The following INSYN2B variants were observed in gnomAD, a reference collection of about 807,000 sequenced individuals.
INSYN2B encodes the protein inhibitory synaptic factor family member 2B, also known as protein INSYN2B.
A neutral mutation model predicts 41.2 loss-of-function variants in INSYN2B; 16 were observed. That is an observed-to-expected ratio of 0.39 (90% CI 0.26 to 0.59). The LOEUF (loss-of-function observed/expected upper bound fraction) is 0.59, where lower values mean the gene tolerates loss of function less well. Ranked by LOEUF, INSYN2B falls within the 20% of genes least tolerant of loss-of-function variation. The pLI is 0.57. For missense variants in INSYN2B, 608 were observed against 646.4 expected (o/e 0.94, Z 0.64); for synonymous variants, 245 against 244.4 (o/e 1.00, Z -0.02).
chr5:169,962,654 G>T (rs779542907), intron 1 of INSYN2B, among the ~76,000 whole-genome samples: 2 of 152,120 alleles, frequency 1.3e-5, no homozygotes, highest in Non-Finnish European at 2.9e-5. Flanking sequence ...CTCTAGGAAC[G>T]TATTGTCTGT....
chr5:169,929,775 A>G (rs2624251), intron 1 of INSYN2B, among the ~76,000 whole-genome samples: 92,105 of 148,334 alleles, frequency 0.62, 29,808 homozygotes, highest in African/African-American at 0.83. Context: ...GAGAGAGAGA[A>G]AGAAGCTATC....
At chr5:169,952,126 A>T (rs116032814) in intron 1 of INSYN2B, among the ~76,000 whole-genome samples, 309 of 152,328 alleles carry the variant, frequency 2.0e-3, no homozygotes, top group African/African-American at 6.8e-3. Context: ...TTGCCCCTGA[A>T]CTGTGACTAA....
chr5:169,976,457 C>T (rs948603391), intron 1 of INSYN2B, among the ~76,000 whole-genome samples: 5 of 151,842 alleles, frequency 3.3e-5, no homozygotes, highest in South Asian at 2.1e-4. Context: ...ACTTGGTGGT[C>T]GCTATTGAGA....
intron 1 of INSYN2B, among the ~76,000 whole-genome samples, chr5:169,893,304 C>T (rs1312083444): frequency 1.3e-5 from 2 of 152,142 alleles, no homozygotes; most frequent in African/African-American, 4.8e-5. Context: ...AGGGGAAAGC[C>T]TTTACTACCA....
At chr5:169,969,408 G>A (rs1777419534) in intron 1 of INSYN2B, among the ~76,000 whole-genome samples, 1 of 152,160 alleles carries the variant, frequency 6.6e-6, no homozygotes, top group Non-Finnish European at 1.5e-5. Flanking sequence ...TCACGCCACT[G>A]CACTCCAGCC....
At chr5:169,934,862 G>T (rs1775917575) in intron 1 of INSYN2B, 2 of 371,766 alleles carry the variant, frequency 5.4e-6, no homozygotes, top group African/African-American at 2.1e-5. Flanking sequence ...ATTATACATT[G>T]CCAAAACAAC....
At chr5:169,953,471 T>G (rs1486176937) in intron 1 of INSYN2B, among the ~76,000 whole-genome samples, 1 of 152,196 alleles carries the variant, frequency 6.6e-6, no homozygotes, top group African/African-American at 2.4e-5. Context: ...CGCAATTCCC[T>G]TGTTTATGAA....
At chr5:169,955,893 A>AT (rs1267641801) in intron 1 of INSYN2B, among the ~76,000 whole-genome samples, 3 of 152,172 alleles carry the variant, frequency 2.0e-5, no homozygotes, top group Middle Eastern at 3.2e-3. Flanking sequence ...GACATGGCTC[A>AT]TTGTACTGCT....
chr5:169,932,307 C>T (rs1476885011), intron 1 of INSYN2B, among the ~76,000 whole-genome samples: 1 of 152,014 alleles, frequency 6.6e-6, no homozygotes, highest in African/African-American at 2.4e-5. Context: ...GAAGGGACTG[C>T]ATGGAGTGGG....
chr5:169,881,873 C>T (rs909597575), intron 2 of INSYN2B, among the ~76,000 whole-genome samples: 1 of 152,214 alleles, frequency 6.6e-6, no homozygotes. Flanking sequence ...TTAGCCATTG[C>T]TTCTTCTTTG....
intron 1 of INSYN2B, among the ~76,000 whole-genome samples, chr5:169,964,517 C>G (rs552394587): frequency 6.6e-6 from 1 of 152,352 alleles, no homozygotes; most frequent in South Asian, 2.1e-4. Flanking sequence ...GTGGCCAGCT[C>G]TTCTGCTGGA....
intron 1 of INSYN2B, among the ~76,000 whole-genome samples, chr5:169,976,428 T>C (rs1448089838): frequency 6.6e-6 from 1 of 152,220 alleles, no homozygotes; most frequent in Non-Finnish European, 1.5e-5. Context: ...CAGTAACTGC[T>C]GTGCCTCTGG....
intron 3 of INSYN2B, among the ~76,000 whole-genome samples, chr5:169,869,346 A>T (rs909480726): frequency 9.2e-5 from 14 of 152,232 alleles, no homozygotes; most frequent in Non-Finnish European, 1.8e-4. Flanking sequence ...TGAACAATTT[A>T]AAGGGGATTG....
At chr5:169,870,546 C>A (rs1771887808) in intron 3 of INSYN2B, among the ~76,000 whole-genome samples, 1 of 151,688 alleles carries the variant, frequency 6.6e-6, no homozygotes, top group Non-Finnish European at 1.5e-5. Flanking sequence ...TTTGAATTTG[C>A]AAAGTATTTT....
intron 1 of INSYN2B, among the ~76,000 whole-genome samples, chr5:169,915,557 A>AACACACAC (rs56728646): frequency 5.1e-4 from 73 of 143,486 alleles, no homozygotes; most frequent in Middle Eastern, 3.5e-3. Flanking sequence ...ATTGACAGGG[A>AACACACAC]ACACACACAC....
intron 3 of INSYN2B, 63 bp downstream of exon 3, chr5:169,881,305 G>C: frequency 1.5e-6 from 2 of 1,350,744 alleles, no homozygotes; most frequent in South Asian, 2.5e-5. Context: ...AAGTTTGCTA[G>C]AGTGTTCAGC....
At chr5:169,875,407 G>T (rs191526111) in intron 3 of INSYN2B, 1 of 420,816 alleles carries the variant, frequency 2.4e-6, no homozygotes, top group East Asian at 7.2e-5. Context: ...CCCTCACGAT[G>T]CCCTTGGCTG....
At chr5:169,907,489 T>C (rs1435583921) in intron 1 of INSYN2B, among the ~76,000 whole-genome samples, 1 of 152,098 alleles carries the variant, frequency 6.6e-6, no homozygotes, top group African/African-American at 2.4e-5. Flanking sequence ...TTTTAGAAAG[T>C]CAAAGTAGTT....
chr5:169,893,191 T>C (rs943007855), intron 1 of INSYN2B, among the ~76,000 whole-genome samples: 5 of 152,344 alleles, frequency 3.3e-5, no homozygotes, highest in Non-Finnish European at 7.3e-5. Context: ...GCACCTGCCC[T>C]GTAGGGACAA....
Sources: allele counts gnomAD v4.1 joint callset (sites outside exome capture counted in the v4.1 genomes callset), GRCh38; gene constraint gnomAD v4.1.1; transcripts MANE v1.5; gene names NCBI Gene and HGNC (gene_info 2026-07-23, HGNC 2026-07-21).